LRP11: variants seen among roughly 807,000 people sequenced by gnomAD.
LRP11 encodes low-density lipoprotein receptor-related protein 11.
LRP11 carries 25 observed loss-of-function variants against 43.1 expected under a neutral mutation model. The observed-to-expected ratio is 0.58, with a 90% CI of 0.42 to 0.81. The LOEUF is 0.81. Ranked by LOEUF, LRP11 falls within the 30% of genes least tolerant of loss-of-function variation. LRP11 has a pLI of 0.00. For synonymous variants in LRP11, 316 were observed against 299.4 expected, an observed-to-expected ratio of 1.06 and a Z score of -0.57; for missense variants, 623 against 665.1, an observed-to-expected ratio of 0.94 and a Z score of 0.70.
intron 4 of LRP11, among the ~76,000 whole-genome samples, 185 bp downstream of exon 4, chr6:149,837,153 T>G (rs886789836): frequency 6.6e-6 from 1 of 152,108 alleles, no homozygotes; most frequent in Non-Finnish European, 1.5e-5. Context: ...TACTAAAAAT[T>G]TGACATTTGA....
At chr6:149,821,681 C>T (rs1776279948) in intron 6 of LRP11, among the ~76,000 whole-genome samples, 1 of 152,154 alleles carries the variant, frequency 6.6e-6, no homozygotes, top group Non-Finnish European at 1.5e-5. Flanking sequence ...GCTTAGCAGG[C>T]TCTATTTTTA....
At chr6:149,862,577 C>CTTTTTTTTT (rs10553273) in intron 1 of LRP11, among the ~76,000 whole-genome samples, 6 of 126,202 alleles carry the variant, frequency 4.8e-5, no homozygotes, top group African/African-American at 1.2e-4. Flanking sequence ...TTTTCTTTTC[C>CTTTTTTTTT]TTTTTTTTTT....
At position 149,819,245 on chromosome 6, in the gene LRP11, A is replaced by G. The variant is rs1314711713; in HGVS notation, c.*1304T>C. 6.6e-6 allele frequency: 1 copy of G among 152,196 alleles called. No individual in the cohort carries two copies. Among genetic ancestry groups the G allele is most frequent in the Non-Finnish European group, 1.5e-5 (1 of 68,040 alleles). The allele number at this position is 152,196 out of a possible 1,614,324, so 9.4% of individuals were successfully genotyped here. On this transcript the variant is annotated 3_prime_UTR_variant, in exon 7 of 7. Coordinates refer to ENST00000239367, the MANE Select transcript of LRP11 (RefSeq NM_032832.6). ...GAACAACCTACTTTAGGTTCAGTCT[A>G]AAAATAAAGCGTACTAGATTCTGGA...
intron 6 of LRP11, among the ~76,000 whole-genome samples, chr6:149,821,657 G>A (rs1362564857): frequency 6.6e-6 from 1 of 152,220 alleles, no homozygotes; most frequent in African/African-American, 2.4e-5. Context: ...GCCAATATCA[G>A]TCTTTTTTAT....
At chr6:149,847,464 C>T (rs939117581) in intron 2 of LRP11, among the ~76,000 whole-genome samples, 4 of 152,214 alleles carry the variant, frequency 2.6e-5, no homozygotes, top group African/African-American at 4.8e-5. Context: ...AACTGTCACA[C>T]GGATGCTTTC....
intron 1 of LRP11, among the ~76,000 whole-genome samples, chr6:149,858,820 T>C (rs1776841709): frequency 1.3e-5 from 2 of 152,204 alleles, no homozygotes; most frequent in South Asian, 4.1e-4. Context: ...TTCACCATTA[T>C]AAATAATGCC....
intron 5 of LRP11, among the ~76,000 whole-genome samples, chr6:149,832,927 G>A (rs1337097430): frequency 6.6e-6 from 1 of 152,128 alleles, no homozygotes; most frequent in Non-Finnish European, 1.5e-5. Context: ...TCCTGCCTCA[G>A]CCTCCCGAGT....
intron 1 of LRP11, among the ~76,000 whole-genome samples, chr6:149,863,192 G>C (rs1444573664): frequency 6.6e-6 from 1 of 152,140 alleles, no homozygotes; most frequent in African/African-American, 2.4e-5. Context: ...TTCAAGCCTA[G>C]AAAAATTCCA....
chr6:149,863,541 G>C lies in LRP11; in HGVS notation c.480C>G (p.Cys160Trp). Residue 160 changes from cysteine to tryptophan, a missense_variant, in exon 1 of 7, where the codon TGC becomes TGG. Coordinates refer to ENST00000239367, the MANE Select transcript of LRP11 (RefSeq NM_032832.6). ...CGCGCGCCGTGCAGTTGAAGAGGTA[G>C]CAGCCGAGCACGGCTGCCGGGGGCG... Reference protein sequence around the residue: ...RPAPPAAVLGCYLFNCTARGR... With the variant: ...RPAPPAAVLGWYLFNCTARGR... The C allele has an allele frequency of 7.3e-7, 1 of 1,363,148 alleles. No individual in the cohort carries two copies. The highest frequency in any genetic ancestry group is 9.4e-7 in the Non-Finnish European group (1 of 1,067,276). 84.4% of individuals were successfully genotyped at this position (1,363,148 alleles called of 1,614,324 possible).
At chr6:149,854,180 G>A (rs911410537) in intron 1 of LRP11, among the ~76,000 whole-genome samples, 6 of 152,210 alleles carry the variant, frequency 3.9e-5, no homozygotes, top group Middle Eastern at 3.4e-3. Flanking sequence ...GCTGGTGCAC[G>A]ATCATAGCTC....
At position 149,864,093 on chromosome 6, in the gene LRP11, C is replaced by CGGGCCCTG. The variant is rs1259832016; in HGVS notation, c.-81_-74dup. 24 of 1,233,196 alleles carry CGGGCCCTG rather than the reference C, an allele frequency of 1.9e-5. No homozygotes were observed. The highest frequency in any genetic ancestry group is 2.4e-5 in the Non-Finnish European group (24 of 989,320). 76.4% of individuals were successfully genotyped at this position (1,233,196 alleles called of 1,614,324 possible). A position where few individuals can be genotyped will look rare whatever the true frequency, so the allele number is the denominator to read the frequency against. On this transcript the variant is annotated 5_prime_UTR_variant, in exon 1 of 7. Coordinates refer to ENST00000239367, the MANE Select transcript of LRP11 (RefSeq NM_032832.6). ...AGGAAGGCGGGGACGCGGGCGAGCG[C>CGGGCCCTG]GGGCCCTGGGCCCCTCCTGCGCGGC...
At chr6:149,828,636 G>A (rs1429626956) in intron 5 of LRP11, among the ~76,000 whole-genome samples, 1 of 151,876 alleles carries the variant, frequency 6.6e-6, no homozygotes, top group African/African-American at 2.4e-5. Context: ...CTACAGGTAA[G>A]CATCACCACA....
intron 5 of LRP11, among the ~76,000 whole-genome samples, chr6:149,833,741 T>C (rs1011182210): frequency 3.3e-5 from 5 of 152,224 alleles, no homozygotes; most frequent in Non-Finnish European, 5.9e-5. Context: ...AGACCACTCT[T>C]TACATCTTCA....
intron 3 of LRP11, chr6:149,842,672 T>C (rs571501914): frequency 6.4e-7 from 1 of 1,551,030 alleles, no homozygotes; most frequent in Non-Finnish European, 8.7e-7. Context: ...AAATGGACCA[T>C]CCATCTGTAA....
chr6:149,842,813 A>G, intron 3 of LRP11, 170 bp downstream of exon 3: 4 of 1,207,402 alleles, frequency 3.3e-6, no homozygotes, highest in Non-Finnish European at 4.7e-6. Flanking sequence ...TAAGCCCAAA[A>G]CAGAAGAGAG....
chr6:149,859,856 G>T (rs1268868118), intron 1 of LRP11, among the ~76,000 whole-genome samples: 1 of 151,926 alleles, frequency 6.6e-6, no homozygotes, highest in East Asian at 1.9e-4. Flanking sequence ...TCCAGATATG[G>T]AAGTTTACTT....
intron 6 of LRP11, among the ~76,000 whole-genome samples, chr6:149,825,432 T>C (rs1776325678): frequency 6.6e-6 from 1 of 152,210 alleles, no homozygotes; most frequent in East Asian, 1.9e-4. Flanking sequence ...TTTACTCTTC[T>C]TTCATCGTAA....
At chr6:149,832,191 C>A (rs12206276) in intron 5 of LRP11, among the ~76,000 whole-genome samples, 4,588 of 130,128 alleles carry the variant, frequency 0.035, 118 homozygotes, top group Non-Finnish European at 0.05. Flanking sequence ...TGAGCTAAGT[C>A]TTTTTTTTTT....
intron 2 of LRP11, among the ~76,000 whole-genome samples, chr6:149,849,883 T>C (rs1457568239): frequency 1.3e-5 from 2 of 152,248 alleles, no homozygotes; most frequent in Non-Finnish European, 2.9e-5. Context: ...GCATAATTCC[T>C]TGCAGGTTGA....
Sources: gnomAD v4.1 joint callset for allele counts (sites outside exome capture counted in the v4.1 genomes callset) on GRCh38, gnomAD v4.1.1 for gene constraint, MANE v1.5 for transcripts, NCBI Gene and HGNC (gene_info 2026-07-23, HGNC 2026-07-21) for gene names.